The following NMNAT2 variants were observed in gnomAD, a reference collection of about 807,000 sequenced individuals.
The protein encoded by NMNAT2 is nicotinamide nucleotide adenylyltransferase 2.
A neutral mutation model predicts 41.6 loss-of-function variants in NMNAT2; 11 were observed. The observed-to-expected ratio is 0.26, with a 90% CI of 0.17 to 0.44. The LOEUF is 0.44. NMNAT2 is among the 20% of genes least tolerant of loss of function. NMNAT2 has a pLI of 1.00. For synonymous variants in NMNAT2, 148 were observed against 151.2 expected (o/e 0.98, Z 0.16); for missense variants, 288 against 407.7 (o/e 0.71, Z 2.53).
intron 1 of NMNAT2, chr1:183,304,554 A>G (rs1182213024): frequency 1.1e-6 from 1 of 911,502 alleles, no homozygotes; most frequent in Non-Finnish European, 1.7e-6. Flanking sequence ...TGCACAGAGC[A>G]GCCCTGCAAA....
intron 1 of NMNAT2, among the ~76,000 whole-genome samples, chr1:183,357,331 A>G (rs982473484): frequency 7.0e-6 from 1 of 141,964 alleles, no homozygotes; most frequent in Non-Finnish European, 1.5e-5. Context: ...CCGGGTTCAC[A>G]CCATTCTCCT....
chr1:183,354,891 C>T (rs1353718415), intron 1 of NMNAT2, among the ~76,000 whole-genome samples: 1 of 152,182 alleles, frequency 6.6e-6, no homozygotes, highest in African/African-American at 2.4e-5. Context: ...TCCTAACAAC[C>T]ATTTTTGCTT....
At chr1:183,319,091 C>T (rs1379980325) in intron 1 of NMNAT2, among the ~76,000 whole-genome samples, 1 of 152,200 alleles carries the variant, frequency 6.6e-6, no homozygotes, top group Non-Finnish European at 1.5e-5. Context: ...ACACTACCTA[C>T]CACTGTGCTG....
At chr1:183,415,907 G>A (rs1478358270) in intron 1 of NMNAT2, among the ~76,000 whole-genome samples, 3 of 152,156 alleles carry the variant, frequency 2.0e-5, no homozygotes, top group Non-Finnish European at 4.4e-5. Context: ...AAGCCATAGT[G>A]AGTGAACATA....
chr1:183,316,731 T>C (rs1205276220), intron 1 of NMNAT2, among the ~76,000 whole-genome samples: 1 of 152,246 alleles, frequency 6.6e-6, no homozygotes, highest in Non-Finnish European at 1.5e-5. Flanking sequence ...TTCTATATTG[T>C]TGATACTCAG....
At position 183,389,836 on chromosome 1, in the gene NMNAT2, G is replaced by A. The variant is rs1557897785; in HGVS notation, c.85+28347C>T. 1.2e-3 allele frequency among the ~76,000 whole-genome samples: 62 copies of A among 53,726 alleles called. 8 individuals are homozygous for A. Among genetic ancestry groups the A allele is most frequent in the Non-Finnish European group, 1.9e-3 (53 of 27,232 alleles). 35.2% of individuals were successfully genotyped at this position (53,726 alleles called of 152,430 possible). On this transcript the variant is annotated intron_variant, in intron 1 of 10. Transcript: ENST00000287713. ...AGAAAGAAAGAAAGAAAGAAAGAAA[G>A]AAAGAAAGGAAAAAAGAGAAAGAAA... is the stretch of plus-strand genomic sequence containing the variant.
intron 8 of NMNAT2, chr1:183,267,391 T>G (rs1040703944): frequency 1.3e-5 from 2 of 152,216 alleles, no homozygotes; most frequent in Admixed American, 6.5e-5. Flanking sequence ...ATATAGCATG[T>G]GTCGAGGGGC....
intron 1 of NMNAT2, chr1:183,304,800 A>G: frequency 6.2e-7 from 1 of 1,611,056 alleles, no homozygotes; most frequent in Non-Finnish European, 8.5e-7. Flanking sequence ...AGAGAGTAAC[A>G]CAAAGTGGTG....
chr1:183,281,842 A>T (rs951415208), intron 7 of NMNAT2, among the ~76,000 whole-genome samples: 2 of 152,212 alleles, frequency 1.3e-5, no homozygotes, highest in African/African-American at 4.8e-5. Context: ...AGGAAATATT[A>T]AAAAAGGGGA....
chr1:183,396,885 T>C (rs1648665546), intron 1 of NMNAT2, among the ~76,000 whole-genome samples: 1 of 152,218 alleles, frequency 6.6e-6, no homozygotes, highest in African/African-American at 2.4e-5. Context: ...TTGAGGTTGC[T>C]GCAGACCCAT....
intron 1 of NMNAT2, among the ~76,000 whole-genome samples, chr1:183,302,625 TC>T (rs1557872143): frequency 1.3e-5 from 2 of 152,036 alleles, no homozygotes. Context: ...CTAACTACCT[TC>T]ACTATTGCGC....
chr1:183,316,138 C>T (rs1436150145), intron 1 of NMNAT2, among the ~76,000 whole-genome samples: 1 of 152,152 alleles, frequency 6.6e-6, no homozygotes, highest in Non-Finnish European at 1.5e-5. Context: ...GCATGCTCTC[C>T]TTGGGAATGG....
At chr1:183,318,372 G>A (rs928135621) in intron 1 of NMNAT2, among the ~76,000 whole-genome samples, 2 of 152,236 alleles carry the variant, frequency 1.3e-5, no homozygotes, top group Non-Finnish European at 2.9e-5. Context: ...CTTTGGGATG[G>A]GAGGAGAGGG....
chr1:183,358,656 G>A (rs1258684499), intron 1 of NMNAT2, among the ~76,000 whole-genome samples: 3 of 152,244 alleles, frequency 2.0e-5, no homozygotes, highest in East Asian at 1.9e-4. Context: ...AGGGAACAAC[G>A]GGGAGACTTG....
Position 183,252,480 on chromosome 1 carries a change from G to A in NMNAT2, c.*161C>T. On this transcript the variant is annotated 3_prime_UTR_variant, in exon 11 of 11. Transcript: ENST00000287713. Reference sequence around the variant, plus strand: ...TGTCCAAAGATGACTGTGGAATAGGGAATGCCATGGTTCTCTGCAGGTCCC... The same window carrying A: ...TGTCCAAAGATGACTGTGGAATAGGAAATGCCATGGTTCTCTGCAGGTCCC... The A allele has an allele frequency of 1.5e-6, 1 of 658,456 alleles. No homozygotes were observed. Among genetic ancestry groups the A allele is most frequent in the Non-Finnish European group, 2.8e-6 (1 of 362,408 alleles). 40.8% of individuals were successfully genotyped at this position (658,456 alleles called of 1,614,324 possible). A position where few individuals can be genotyped will look rare whatever the true frequency, so the allele number is the denominator to read the frequency against.
chr1:183,412,306 C>T (rs1448732965), intron 1 of NMNAT2, among the ~76,000 whole-genome samples: 1 of 152,230 alleles, frequency 6.6e-6, no homozygotes, highest in Non-Finnish European at 1.5e-5. Context: ...TCACTGCAAC[C>T]TCCGCCTCCC....
chr1:183,285,525 T>A (rs994972666), intron 5 of NMNAT2, among the ~76,000 whole-genome samples: 1 of 152,252 alleles, frequency 6.6e-6, no homozygotes, highest in South Asian at 2.1e-4. Context: ...TGTAGCTGTA[T>A]GCAAACTGTG....
intron 1 of NMNAT2, among the ~76,000 whole-genome samples, chr1:183,414,377 CT>C (rs1649201078): frequency 6.6e-6 from 1 of 152,216 alleles, no homozygotes; most frequent in Non-Finnish European, 1.5e-5. Context: ...GCTGTCCTTT[CT>C]TACTTTTCTA....
intron 1 of NMNAT2, among the ~76,000 whole-genome samples, chr1:183,352,093 A>C (rs1191608401): frequency 1.3e-5 from 2 of 152,190 alleles, no homozygotes; most frequent in Admixed American, 6.5e-5. Flanking sequence ...GCACCTGAGC[A>C]TTCTGGTATA....
Sources: gnomAD v4.1 joint callset for allele counts (sites outside exome capture counted in the v4.1 genomes callset) on GRCh38, gnomAD v4.1.1 for gene constraint, MANE v1.5 for transcripts, NCBI Gene and HGNC (gene_info 2026-07-23, HGNC 2026-07-21) for gene names.